The following SLC10A7 variants were observed in gnomAD, a reference collection of about 807,000 sequenced individuals.
SLC10A7 encodes solute carrier family 10 member 7.
A neutral mutation model predicts 43.2 loss-of-function variants in SLC10A7; 29 were observed. The observed-to-expected ratio is 0.67, with a 90% CI of 0.50 to 0.92. The LOEUF is 0.92. SLC10A7 is among the 40% of genes least tolerant of loss of function. The pLI is 0.00. For synonymous variants in SLC10A7, 152 were observed against 144.8 expected (o/e 1.05, Z -0.35); for missense variants, 295 against 403.2 (o/e 0.73, Z 2.30).
intron 6 of SLC10A7, among the ~76,000 whole-genome samples, chr4:146,309,406 T>A (rs1178408850): frequency 6.6e-6 from 1 of 152,118 alleles, no homozygotes; most frequent in Non-Finnish European, 1.5e-5. Context: ...TCGGGAGGGC[T>A]TGTTAAAACA....
Position 146,419,050 on chromosome 4 carries a change from G to A in SLC10A7, c.435+23733C>T, listed in dbSNP as rs191001087. 8.1e-3 allele frequency among the ~76,000 whole-genome samples: 1,229 copies of A among 152,308 alleles called. 13 individuals carry two copies. The highest frequency in any genetic ancestry group is 0.048 in the South Asian group (233 of 4,822). ...AGGCAAGGCATGTGGGAAGGGGCAC[G>A]GAGCTTCCATGCCCTCTCCAGGGCA... On this transcript the variant is annotated intron_variant, in intron 5 of 11. Coordinates refer to ENST00000335472, the MANE Select transcript of SLC10A7 (RefSeq NM_001029998.6).
chr4:146,471,857 CTA>C (rs1733598829), intron 4 of SLC10A7, among the ~76,000 whole-genome samples: 1 of 152,154 alleles, frequency 6.6e-6, no homozygotes, highest in African/African-American at 2.4e-5. Context: ...ACTCTTTTCA[CTA>C]TGTTAAGGTG....
intron 9 of SLC10A7, among the ~76,000 whole-genome samples, chr4:146,290,099 C>A (rs547019394): frequency 6.7e-6 from 1 of 149,822 alleles, no homozygotes; most frequent in South Asian, 2.1e-4. Context: ...CCAAGGTGGG[C>A]GGATCACAAG....
chr4:146,521,580 G>A (rs1417120095), intron 1 of SLC10A7, 38 bp downstream of exon 1: 1 of 1,556,552 alleles, frequency 6.4e-7, no homozygotes, highest in Non-Finnish European at 8.8e-7. Flanking sequence ...GTTCTGAAGT[G>A]GGAGCCGCGG....
At chr4:146,372,197 T>C (rs556582587) in intron 5 of SLC10A7, among the ~76,000 whole-genome samples, 6 of 152,196 alleles carry the variant, frequency 3.9e-5, no homozygotes, top group Admixed American at 2.6e-4. Flanking sequence ...CTTTTGTCCA[T>C]AATTCTAGCA....
rs1227740848 is a variant in SLC10A7 at position 146,354,141 on chromosome 4, A to G, written c.436-28145T>C. 3.4e-5 allele frequency among the ~76,000 whole-genome samples: 5 copies of G among 146,614 alleles called. No individual in the cohort carries two copies. In the East Asian group the frequency reaches 1.0e-3, roughly 30 times the overall value. ...CATGATTGTTTATTTAGAAAACCCCATCATCTCCGCCCAAAATCTCCTTAA... is the reference window on the plus strand; with the variant it reads ...CATGATTGTTTATTTAGAAAACCCCGTCATCTCCGCCCAAAATCTCCTTAA... On this transcript the variant is annotated intron_variant, in intron 5 of 11. Transcript: ENST00000335472.
intron 10 of SLC10A7, among the ~76,000 whole-genome samples, chr4:146,267,438 C>G (rs1445294167): frequency 2.0e-5 from 3 of 152,170 alleles, no homozygotes; most frequent in Admixed American, 6.5e-5. Context: ...TCTGCAGAGT[C>G]CCCCAGGAAG....
intron 5 of SLC10A7, among the ~76,000 whole-genome samples, chr4:146,423,119 A>G (rs1341940337): frequency 5.9e-5 from 9 of 152,186 alleles, no homozygotes; most frequent in African/African-American, 2.2e-4. Flanking sequence ...AAGCACATAG[A>G]AAATTTCACA....
chr4:146,314,208 T>C (rs1732171608), intron 6 of SLC10A7, among the ~76,000 whole-genome samples: 1 of 152,160 alleles, frequency 6.6e-6, no homozygotes. Context: ...CGTGGGATTA[T>C]GCATCAAGTA....
chr4:146,305,183 C>G (rs1203144745), intron 7 of SLC10A7, among the ~76,000 whole-genome samples: 1 of 149,914 alleles, frequency 6.7e-6, no homozygotes. Flanking sequence ...CCCAAATGTC[C>G]AACAATGATA....
At chr4:146,517,004 C>T in intron 2 of SLC10A7, 34 bp downstream of exon 2, 2 of 1,493,750 alleles carry the variant, frequency 1.3e-6, no homozygotes, top group Non-Finnish European at 1.8e-6. Context: ...AAATTTTTCT[C>T]CCTGCTTTTC....
At chr4:146,433,339 C>T (rs921356329) in intron 5 of SLC10A7, among the ~76,000 whole-genome samples, 1 of 151,432 alleles carries the variant, frequency 6.6e-6, no homozygotes, top group African/African-American at 2.4e-5. Context: ...TATTCTCTGG[C>T]TCTTTGAAAC....
chr4:146,433,037 C>CA (rs996850084), intron 5 of SLC10A7, among the ~76,000 whole-genome samples: 209 of 145,566 alleles, frequency 1.4e-3, no homozygotes, highest in African/African-American at 5.0e-3. Context: ...GACTCTGTCT[C>CA]AAAAAAAAAT....
intron 5 of SLC10A7, among the ~76,000 whole-genome samples, chr4:146,371,649 C>G (rs1736788581): frequency 6.6e-6 from 1 of 152,168 alleles, no homozygotes; most frequent in African/African-American, 2.4e-5. Flanking sequence ...TCTGCTGCCT[C>G]CTAGGAGTGA....
At chr4:146,413,649 T>C (rs1728356375) in intron 5 of SLC10A7, among the ~76,000 whole-genome samples, 1 of 152,204 alleles carries the variant, frequency 6.6e-6, no homozygotes, top group South Asian at 2.1e-4. Context: ...CTTTTGCTTT[T>C]TTATTCAAAT....
intron 4 of SLC10A7, among the ~76,000 whole-genome samples, chr4:146,485,145 C>CTCCCAGAT (rs1236066102): frequency 6.6e-6 from 1 of 152,160 alleles, no homozygotes; most frequent in African/African-American, 2.4e-5. Flanking sequence ...TTGTGTCTAT[C>CTCCCAGAT]TCCCAGATCA....
rs181956983 is a variant in SLC10A7, at chr4:146,290,103, T to C, written c.773+2826A>G. On this transcript the variant is annotated intron_variant, in intron 9 of 11. Coordinates refer to ENST00000335472, the MANE Select transcript of SLC10A7 (RefSeq NM_001029998.6). ...ACTTTGGGAGGCCAAGGTGGGCGGA[T>C]CACAAGGTCAGGAGATCCAGACCAT... Among the ~76,000 whole-genome samples, 1,062 of 150,314 alleles carry C rather than the reference T, an allele frequency of 7.1e-3. 8 individuals carry two copies. The highest frequency in any genetic ancestry group is 0.023 in the African/African-American group (944 of 41,166).
At chr4:146,405,694 G>T (rs1579102826) in intron 5 of SLC10A7, among the ~76,000 whole-genome samples, 1 of 152,070 alleles carries the variant, frequency 6.6e-6, no homozygotes, top group Non-Finnish European at 1.5e-5. Context: ...ATGATTAAAA[G>T]TCTAACTGGG....
chr4:146,262,452 T>G (rs562370709), intron 10 of SLC10A7, among the ~76,000 whole-genome samples: 1 of 152,362 alleles, frequency 6.6e-6, no homozygotes, highest in South Asian at 2.1e-4. Flanking sequence ...CTTACCACAC[T>G]GTGATTTCTG....
Sources: allele counts gnomAD v4.1 joint callset (sites outside exome capture counted in the v4.1 genomes callset), GRCh38; gene constraint gnomAD v4.1.1; transcripts MANE v1.5; gene names NCBI Gene and HGNC (gene_info 2026-07-23, HGNC 2026-07-21).